Variants in KLF17 observed in about 807,000 individuals in gnomAD.
KLF17 encodes the protein Krueppel-like factor 17.
In KLF17, 31 loss-of-function variants were observed where a neutral mutation model predicts 34.2. The ratio of observed to expected loss-of-function variants is 0.91; its 90% CI spans 0.68 to 1.22. The LOEUF is 1.22. Ranked by LOEUF, KLF17 falls within the 50% of genes most tolerant of loss-of-function variation. KLF17 has a pLI of 0.00. For synonymous variants in KLF17, 179 were observed against 186.7 expected (o/e 0.96, Z 0.34); for missense variants, 478 against 505.2 (o/e 0.95, Z 0.52).
the KLF17 span, chr1:44,103,499 G>A: frequency 9.3e-7 from 1 of 1,074,876 alleles, no homozygotes; most frequent in Non-Finnish European, 1.4e-6. Flanking sequence ...CATAGGCCGA[G>A]CTCAGCGCAC....
At chr1:44,086,200 C>T in the KLF17 span, among the ~76,000 whole-genome samples, 2 of 152,242 alleles carry the variant, frequency 1.3e-5, no homozygotes, top group African/African-American at 2.4e-5. Context: ...GGCGTGGTGG[C>T]TCACGCCTGT....
At chr1:44,057,880 A>G in the KLF17 span, among the ~76,000 whole-genome samples, 1 of 152,232 alleles carries the variant, frequency 6.6e-6, no homozygotes, top group African/African-American at 2.4e-5. Context: ...TCACTCCTGT[A>G]CAACATCAAG....
chr1:44,061,855 T>G, the KLF17 span, among the ~76,000 whole-genome samples: 14 of 152,012 alleles, frequency 9.2e-5, no homozygotes, highest in African/African-American at 3.1e-4. Context: ...GAGGCGGAGG[T>G]TGCAGTGAGC....
At chr1:44,075,867 G>T in the KLF17 span, among the ~76,000 whole-genome samples, 4 of 152,130 alleles carry the variant, frequency 2.6e-5, no homozygotes, top group African/African-American at 9.7e-5. Flanking sequence ...ATGTGATCTG[G>T]TTCTGTAAAT....
chr1:44,114,923 T>C (rs1179799578), upstream of KLF17: 1 of 152,210 alleles, frequency 6.6e-6, no homozygotes, highest in Non-Finnish European at 1.5e-5. Flanking sequence ...TATGTGGAAG[T>C]TCATTTGGAG....
chr1:44,071,153 C>A, the KLF17 span, among the ~76,000 whole-genome samples: 2 of 152,160 alleles, frequency 1.3e-5, no homozygotes, highest in African/African-American at 4.8e-5. Context: ...TCAGCTGTGA[C>A]CCTCTCAGCA....
chr1:44,073,664 A>G, the KLF17 span, among the ~76,000 whole-genome samples: 1 of 152,032 alleles, frequency 6.6e-6, no homozygotes, highest in African/African-American at 2.4e-5. Flanking sequence ...CCATTCCCCA[A>G]GCAGAGAGGC....
chr1:44,101,364 T>C, the KLF17 span, among the ~76,000 whole-genome samples: 1 of 152,188 alleles, frequency 6.6e-6, no homozygotes, highest in Admixed American at 6.5e-5. Flanking sequence ...GCAAAGAAAA[T>C]CTTGGACCAT....
the KLF17 span, among the ~76,000 whole-genome samples, chr1:44,073,766 G>A: frequency 6.6e-6 from 1 of 152,044 alleles, no homozygotes; most frequent in African/African-American, 2.4e-5. Flanking sequence ...CACTTCCCTC[G>A]GCTCCAGTGT....
chr1:44,083,507 G>T, the KLF17 span, among the ~76,000 whole-genome samples: 17 of 152,114 alleles, frequency 1.1e-4, no homozygotes, highest in African/African-American at 3.9e-4. Flanking sequence ...TCATGAAATA[G>T]GCACAAGAGC....
At chr1:44,123,583 T>C (rs1228820784) in intron 1 of KLF17, among the ~76,000 whole-genome samples, 1 of 152,164 alleles carries the variant, frequency 6.6e-6, no homozygotes, top group Non-Finnish European at 1.5e-5. Flanking sequence ...TTTCATTGAT[T>C]TTTTTCATTC....
chr1:44,088,107 T>TTTTTTTTATTTATTTATTTATTTA, the KLF17 span: 19 of 182,634 alleles, frequency 1.0e-4, no homozygotes, highest in African/African-American at 4.2e-4. Context: ...GCACTCTTAT[T>TTTTTTTTATTTATTTATTTATTTA]TTTATTTATT....
intron 1 of KLF17, among the ~76,000 whole-genome samples, chr1:44,127,417 G>C (rs561351970): frequency 2.4e-4 from 36 of 152,072 alleles, no homozygotes; most frequent in African/African-American, 8.0e-4. Flanking sequence ...CCTGTTGTCT[G>C]GATGTAACTT....
chr1:44,084,261 G>A, the KLF17 span, among the ~76,000 whole-genome samples: 1 of 152,174 alleles, frequency 6.6e-6, no homozygotes, highest in Non-Finnish European at 1.5e-5. Flanking sequence ...TGTGGGTGGT[G>A]TGAGCAGTGA....
chr1:44,106,957 G>T, the KLF17 span: 6 of 152,158 alleles, frequency 3.9e-5, no homozygotes, highest in Non-Finnish European at 8.8e-5. Flanking sequence ...TTCAAATAGA[G>T]CAGAAGAAAG....
the KLF17 span, chr1:44,103,278 G>T: frequency 1.4e-6 from 1 of 703,944 alleles, no homozygotes; most frequent in Non-Finnish European, 2.6e-6. Context: ...CGCAGGAGGG[G>T]CAGGCTGGGA....
chr1:44,073,765 C>T, the KLF17 span, among the ~76,000 whole-genome samples: 16 of 152,164 alleles, frequency 1.1e-4, no homozygotes, highest in Non-Finnish European at 1.9e-4. Context: ...TCACTTCCCT[C>T]GGCTCCAGTG....
At chr1:44,092,395 C>G in the KLF17 span, among the ~76,000 whole-genome samples, 23 of 152,060 alleles carry the variant, frequency 1.5e-4, no homozygotes, top group Non-Finnish European at 2.8e-4. Flanking sequence ...CGCCATTCAA[C>G]TAAGAATCTT....
At chr1:44,103,416 A>G in the KLF17 span, 10 of 778,864 alleles carry the variant, frequency 1.3e-5, no homozygotes, top group East Asian at 2.2e-4. Flanking sequence ...GGTGCGGCTG[A>G]AGGAGCTGGC....
Sources: allele counts gnomAD v4.1 joint callset (sites outside exome capture counted in the v4.1 genomes callset), GRCh38; gene constraint gnomAD v4.1.1; transcripts MANE v1.5; gene names NCBI Gene and HGNC (gene_info 2026-07-23, HGNC 2026-07-21).